AK5: variants seen among roughly 807,000 people sequenced by gnomAD.
AK5 encodes adenylate kinase isoenzyme 5.
Under a neutral mutation model 69.5 loss-of-function variants are expected in AK5, and 27 were observed. The observed-to-expected ratio is 0.39, with a 90% CI of 0.29 to 0.54. The LOEUF (loss-of-function observed/expected upper bound fraction) is 0.54. AK5 is among the 20% of genes least tolerant of loss of function. AK5 has a pLI of 0.71. For missense variants in AK5, 531 were observed against 700.4 expected (o/e 0.76, Z 2.73); for synonymous variants, 260 against 244.4 (o/e 1.06, Z -0.60).
chr1:77,467,344 C>T (rs1240344551), intron 8 of AK5, among the ~76,000 whole-genome samples: 2 of 152,206 alleles, frequency 1.3e-5, no homozygotes, highest in Non-Finnish European at 2.9e-5. Flanking sequence ...TGAATGCATT[C>T]ACAACAATGA....
rs1370838763 is a variant in AK5 at position 77,508,908 on chromosome 1, C to T, written c.1148-9656C>T. Reference sequence around the variant, plus strand: ...AGAAGGTGGGGATGAGTAATCCTTCCACAGGCATGGGGAGAAGCACTATGG... The same window carrying T: ...AGAAGGTGGGGATGAGTAATCCTTCTACAGGCATGGGGAGAAGCACTATGG... On this transcript the variant is annotated intron_variant, in intron 10 of 13. Transcript: ENST00000354567. 3.3e-5 allele frequency among the ~76,000 whole-genome samples: 5 copies of T among 152,014 alleles called. No homozygotes were observed. In the South Asian group the frequency reaches 1.0e-3, roughly 32 times the overall value.
intron 5 of AK5, among the ~76,000 whole-genome samples, chr1:77,330,258 A>G (rs1156698646): frequency 6.6e-6 from 1 of 152,154 alleles, no homozygotes; most frequent in East Asian, 1.9e-4. Context: ...ATTTTATCAA[A>G]CTTTTCTTTT....
chr1:77,414,637 G>A (rs894290468), intron 7 of AK5, among the ~76,000 whole-genome samples: 2 of 152,114 alleles, frequency 1.3e-5, no homozygotes, highest in Admixed American at 6.6e-5. Flanking sequence ...GTATTTCAGC[G>A]CATACCTTTC....
At chr1:77,529,335 T>G (rs1405058886) in intron 12 of AK5, among the ~76,000 whole-genome samples, 1 of 131,856 alleles carries the variant, frequency 7.6e-6, no homozygotes, top group African/African-American at 3.3e-5. Flanking sequence ...GTTTTATAGG[T>G]TTTTTTTTTT....
chr1:77,457,336 T>C (rs1328729208), intron 8 of AK5, among the ~76,000 whole-genome samples: 1 of 152,176 alleles, frequency 6.6e-6, no homozygotes, highest in Admixed American at 6.6e-5. Flanking sequence ...TATTCTTTGC[T>C]CATTTTCTAC....
At chr1:77,306,007 A>C (rs1659616665) in intron 5 of AK5, among the ~76,000 whole-genome samples, 1 of 151,950 alleles carries the variant, frequency 6.6e-6, no homozygotes, top group South Asian at 2.1e-4. Flanking sequence ...TGGTGTCTTC[A>C]GTTTCTTTCA....
intron 6 of AK5, among the ~76,000 whole-genome samples, chr1:77,345,355 T>C (rs565379446): frequency 1.3e-5 from 2 of 152,314 alleles, no homozygotes; most frequent in South Asian, 4.1e-4. Context: ...GAAAAAAGGT[T>C]AAAATCAGGA....
At chr1:77,459,367 G>A (rs1653690808) in intron 8 of AK5, among the ~76,000 whole-genome samples, 1 of 152,126 alleles carries the variant, frequency 6.6e-6, no homozygotes, top group East Asian at 1.9e-4. Flanking sequence ...GCTGCAGCCA[G>A]TTTTGGGGTT....
chr1:77,344,053 G>C (rs1661792432), intron 6 of AK5, among the ~76,000 whole-genome samples: 1 of 152,184 alleles, frequency 6.6e-6, no homozygotes, highest in Non-Finnish European at 1.5e-5. Context: ...CATAGTGGCT[G>C]TGTCTGAATA....
intron 12 of AK5, among the ~76,000 whole-genome samples, chr1:77,527,558 A>G (rs762028982): frequency 4.6e-5 from 7 of 152,246 alleles, no homozygotes; most frequent in Non-Finnish European, 5.9e-5. Context: ...CACACAGGTA[A>G]CACATTTCAT....
At chr1:77,372,596 G>T (rs1647140244) in intron 6 of AK5, among the ~76,000 whole-genome samples, 1 of 152,092 alleles carries the variant, frequency 6.6e-6, no homozygotes, top group African/African-American at 2.4e-5. Flanking sequence ...TAAACCTTGT[G>T]TTTTCTTTGA....
intron 6 of AK5, among the ~76,000 whole-genome samples, chr1:77,392,229 A>T (rs979920652): frequency 1.1e-4 from 17 of 152,198 alleles, no homozygotes; most frequent in African/African-American, 3.9e-4. Context: ...ATTAAAATGG[A>T]TGTTAATTTT....
chr1:77,355,886 C>T (rs1033309550), intron 6 of AK5, among the ~76,000 whole-genome samples: 10 of 151,572 alleles, frequency 6.6e-5, no homozygotes, highest in African/African-American at 2.4e-4. Flanking sequence ...CACACACACA[C>T]ACACACACAC....
chr1:77,384,962 C>T (rs1412501317), intron 6 of AK5, among the ~76,000 whole-genome samples: 1 of 151,840 alleles, frequency 6.6e-6, no homozygotes, highest in Non-Finnish European at 1.5e-5. Context: ...TAGCTCTGCC[C>T]CTTACTAGAT....
At chr1:77,417,984 T>G (rs1429904833) in intron 8 of AK5, 1 of 321,004 alleles carries the variant, frequency 3.1e-6, no homozygotes, top group Non-Finnish European at 5.8e-6. Context: ...GAGGTTCTCT[T>G]GCCCAAGAAT....
At chr1:77,428,595 CTTT>C (rs58114645) in intron 8 of AK5, among the ~76,000 whole-genome samples, 1 of 150,140 alleles carries the variant, frequency 6.7e-6, no homozygotes, top group African/African-American at 2.4e-5. Flanking sequence ...TATCCAAGTT[CTTT>C]TTTTTTTAAT....
At chr1:77,381,995 C>T (rs1401909488) in intron 6 of AK5, among the ~76,000 whole-genome samples, 2 of 152,190 alleles carry the variant, frequency 1.3e-5, no homozygotes, top group Non-Finnish European at 2.9e-5. Context: ...CCACCCTCTG[C>T]ACAGGGAGAG....
At chr1:77,502,958 G>A (rs1347699776) in intron 10 of AK5, among the ~76,000 whole-genome samples, 2 of 152,216 alleles carry the variant, frequency 1.3e-5, no homozygotes, top group African/African-American at 4.8e-5. Context: ...CCTAGTAGAA[G>A]ACGCTGGCTG....
At chr1:77,501,270 A>G (rs1236084054) in intron 10 of AK5, among the ~76,000 whole-genome samples, 1 of 152,250 alleles carries the variant, frequency 6.6e-6, no homozygotes, top group Non-Finnish European at 1.5e-5. Context: ...ACTGAAGACC[A>G]GTCCAGAGCT....
Sources: allele counts gnomAD v4.1 joint callset (sites outside exome capture counted in the v4.1 genomes callset), GRCh38; gene constraint gnomAD v4.1.1; transcripts MANE v1.5; gene names NCBI Gene and HGNC (gene_info 2026-07-23, HGNC 2026-07-21).